The following STRN variants were observed in gnomAD, a reference collection of about 807,000 sequenced individuals.
STRN encodes striatin.
Under a neutral mutation model 96.3 loss-of-function variants are expected in STRN, and 53 were observed. That is an observed-to-expected ratio of 0.55 (90% confidence interval 0.44 to 0.69). The LOEUF (loss-of-function observed/expected upper bound fraction) is 0.69, where lower values mean the gene tolerates loss of function less well. Ranked by LOEUF, STRN falls within the 30% of genes least tolerant of loss-of-function variation. The pLI is 0.00. For missense variants in STRN, 987 were observed against 963.9 expected (o/e 1.02, Z -0.32); for synonymous variants, 428 against 355.9 (o/e 1.20, Z -2.28).
Position 36,840,804 on chromosome 2 carries a change from G to A in STRN, c.*8652C>T, listed in dbSNP as rs1335042117. On this transcript the variant is annotated 3_prime_UTR_variant, in exon 18 of 18. Transcript: ENST00000263918. ...AATATGCAAAATCTGGGTTAAGGGA[G>A]AGAATCAAGATATTCAGAAAAAAAA... 1.3e-5 allele frequency: 2 copies of A among 152,048 alleles called. No homozygotes were observed. Among genetic ancestry groups the A allele is most frequent in the African/African-American group, 4.8e-5 (2 of 41,414 alleles). 9.4% of individuals were successfully genotyped at this position (152,048 alleles called of 1,614,324 possible).
intron 9 of STRN, among the ~76,000 whole-genome samples, chr2:36,878,293 A>G (rs1248550773): frequency 1.3e-5 from 2 of 152,242 alleles, no homozygotes; most frequent in Non-Finnish European, 2.9e-5. Flanking sequence ...TTTTCACTAT[A>G]TAGAAAAATA....
chr2:36,928,712 AG>A (rs1296268276), intron 1 of STRN, among the ~76,000 whole-genome samples: 1 of 150,400 alleles, frequency 6.6e-6, no homozygotes. Flanking sequence ...TGGGAGGCCG[AG>A]GCGGGTGGAT....
intron 13 of STRN, among the ~76,000 whole-genome samples, chr2:36,859,151 T>C (rs566810263): frequency 1.4e-4 from 22 of 152,294 alleles, no homozygotes; most frequent in Non-Finnish European, 2.5e-4. Context: ...ATTAAGGAAC[T>C]TGGAAATTAT....
chr2:36,872,027 G>C (rs1383657924), intron 10 of STRN, among the ~76,000 whole-genome samples: 1 of 152,230 alleles, frequency 6.6e-6, no homozygotes, highest in Non-Finnish European at 1.5e-5. Context: ...TTAAGCACCT[G>C]AAAGGCTTTC....
At chr2:36,851,516 A>C (rs1668223120) in intron 15 of STRN, among the ~76,000 whole-genome samples, 1 of 152,116 alleles carries the variant, frequency 6.6e-6, no homozygotes, top group Non-Finnish European at 1.5e-5. Flanking sequence ...AAGAAAAAGT[A>C]ATAATGTGAC....
intron 7 of STRN, among the ~76,000 whole-genome samples, chr2:36,891,146 C>T (rs1374330212): frequency 6.6e-6 from 1 of 152,162 alleles, no homozygotes; most frequent in Admixed American, 6.5e-5. Flanking sequence ...TGGAGCATTT[C>T]AGATTTCGAA....
At chr2:36,946,586 G>A (rs1558664917) in intron 1 of STRN, among the ~76,000 whole-genome samples, 1 of 152,188 alleles carries the variant, frequency 6.6e-6, no homozygotes, top group Non-Finnish European at 1.5e-5. Flanking sequence ...TACAGAAAAT[G>A]TGGTATACAC....
At chr2:36,944,443 G>C (rs771002064) in intron 1 of STRN, among the ~76,000 whole-genome samples, 2 of 152,018 alleles carry the variant, frequency 1.3e-5, no homozygotes, top group African/African-American at 2.4e-5. Context: ...ATGTGTAAGA[G>C]AATAAGACAC....
intron 1 of STRN, among the ~76,000 whole-genome samples, chr2:36,952,059 A>G (rs550715726): frequency 6.6e-6 from 1 of 152,370 alleles, no homozygotes; most frequent in South Asian, 2.1e-4. Context: ...ACGCACGCAC[A>G]CACACACACA....
chr2:36,946,965 G>A (rs980929147), intron 1 of STRN, among the ~76,000 whole-genome samples: 14 of 151,402 alleles, frequency 9.2e-5, no homozygotes, highest in Admixed American at 2.0e-4. Flanking sequence ...GTGAGATTTC[G>A]GCTCACTGCA....
In STRN at chr2:36,859,893, G is replaced by GT. The variant is rs569315221; in HGVS notation, c.1669+1238dup. Among the ~76,000 whole-genome samples, 26 of 152,306 alleles carry GT rather than the reference G, an allele frequency of 1.7e-4. No homozygotes were observed. In the East Asian group the frequency reaches 4.4e-3, roughly 26 times the overall value. ...TTAGTTACTGACAATCTTGTTACAT[G>GT]TAAGTGTTGTAGCCAGAAGCCAGAA... is the stretch of plus-strand genomic sequence containing the variant. On this transcript the variant is annotated intron_variant, in intron 13 of 17. Transcript: ENST00000263918.
chr2:36,902,518 C>T, intron 5 of STRN, 66 bp downstream of exon 5: 4 of 1,386,022 alleles, frequency 2.9e-6, no homozygotes, highest in South Asian at 3.5e-5. Flanking sequence ...AAGTAATGTC[C>T]ATAAAACCAA....
In STRN at chr2:36,842,768, TTG is replaced by T. The variant is rs1287119967; in HGVS notation, c.*6686_*6687del. ...TATACAAAACTTACTGAGTTAAAAT[TTG>T]TGTTTCAGAAAACGGATTCCAATTT... On this transcript the variant is annotated 3_prime_UTR_variant, in exon 18 of 18. Transcript: ENST00000263918. 6.6e-6 allele frequency among the ~76,000 whole-genome samples: 1 copy of T among 152,178 alleles called. No individual in the cohort carries two copies. The highest frequency in any genetic ancestry group is 1.5e-5 in the Non-Finnish European group (1 of 68,038).
At chr2:36,873,835 C>A (rs1215918344) in intron 10 of STRN, among the ~76,000 whole-genome samples, 1 of 151,282 alleles carries the variant, frequency 6.6e-6, no homozygotes, top group Non-Finnish European at 1.5e-5. Context: ...CTCAGCTACC[C>A]GAGAGGCTGA....
Position 36,961,115 on chromosome 2 carries a change from C to CT in STRN, c.234+5114dup, listed in dbSNP as rs551915869. Among the ~76,000 whole-genome samples the CT allele has an allele frequency of 7.2e-3, 432 of 60,304 alleles. 87 individuals carry two copies. Among genetic ancestry groups the CT allele is most frequent in the African/African-American group, 0.024 (251 of 10,478 alleles). 39.6% of individuals were successfully genotyped at this position (60,304 alleles called of 152,430 possible). A position where few individuals can be genotyped will look rare whatever the true frequency, so the allele number is the denominator to read the frequency against. Reference sequence around the variant, plus strand: ...GCTTCACCATGTTGCCCAGGCTGCACTTTTTTTTTTTTTTTTTTTTTTTTT... The same window carrying CT: ...GCTTCACCATGTTGCCCAGGCTGCACTTTTTTTTTTTTTTTTTTTTTTTTTT... On this transcript the variant is annotated intron_variant, in intron 1 of 17. Transcript: ENST00000263918.
At chr2:36,878,171 C>T (rs1668966245) in intron 9 of STRN, 144 bp from the exon 10 acceptor site, 1 of 872,678 alleles carries the variant, frequency 1.1e-6, no homozygotes, top group African/African-American at 1.7e-5. Flanking sequence ...ATTCAGTGAG[C>T]AGAAAATCCT....
intron 10 of STRN, among the ~76,000 whole-genome samples, chr2:36,874,978 C>G (rs945685869): frequency 2.0e-5 from 3 of 150,952 alleles, no homozygotes; most frequent in African/African-American, 7.4e-5. Context: ...ATAAATAATC[C>G]TAACTGAGTA....
chr2:36,962,342 C>T (rs190194240), intron 1 of STRN, among the ~76,000 whole-genome samples: 1 of 152,206 alleles, frequency 6.6e-6, no homozygotes, highest in Admixed American at 6.5e-5. Flanking sequence ...ATATCAGGGC[C>T]TCTCCTACAC....
chr2:36,965,103 T>G (rs1233659781), intron 1 of STRN, among the ~76,000 whole-genome samples: 1 of 150,822 alleles, frequency 6.6e-6, no homozygotes, highest in Non-Finnish European at 1.5e-5. Context: ...TTAACAGATT[T>G]CTCCTCTTCT....
Sources: allele counts gnomAD v4.1 joint callset (sites outside exome capture counted in the v4.1 genomes callset), GRCh38; gene constraint gnomAD v4.1.1; transcripts MANE v1.5; gene names NCBI Gene and HGNC (gene_info 2026-07-23, HGNC 2026-07-21).